The following LRP1 variants were observed in gnomAD, a reference collection of about 807,000 sequenced individuals.
LRP1 encodes the protein prolow-density lipoprotein receptor-related protein 1.
In LRP1, 51 loss-of-function variants were observed where a neutral mutation model predicts 541.5. The ratio of observed to expected loss-of-function variants is 0.09; its 90% confidence interval spans 0.08 to 0.12. LRP1 has a LOEUF of 0.12. LRP1 is among the 10% of genes least tolerant of loss of function. The pLI is 1.00. For synonymous variants in LRP1, 2,219 were observed against 2,470.8 expected (o/e 0.90, Z 3.02); for missense variants, 3,878 against 6,376.2 (o/e 0.61, Z 13.34).
Position 57,179,887 on chromosome 12 carries a change from G to A in LRP1, c.5072G>A (p.Gly1691Asp). The A allele has an allele frequency of 6.2e-7, 1 of 1,614,150 alleles. No individual in the cohort carries two copies. The highest frequency in any genetic ancestry group is 2.2e-5 in the East Asian group (1 of 44,890). Residue 1691 changes from glycine to aspartate, a missense_variant, in exon 30 of 89, where the codon GGC becomes GAC. Coordinates refer to ENST00000243077, the MANE Select transcript of LRP1 (RefSeq NM_002332.3). This position sits in a 1 kb window ranked among gnomAD's most constrained non-coding sequence, Gnocchi z 6.8. ...KKQINVARLD[G>D]SFKNAVVQGL... is the part of the protein sequence containing the mutation. ...CAGATCAATGTGGCCCGGCTGGATGGCTCCTTCAAGAACGCAGTGGTGCAG... is the reference window on the plus strand; with the variant it reads ...CAGATCAATGTGGCCCGGCTGGATGACTCCTTCAAGAACGCAGTGGTGCAG...
Position 57,211,370 on chromosome 12 carries a change from A to G in LRP1, c.13091+20A>G. 1 of 1,612,856 alleles carries G rather than the reference A, an allele frequency of 6.2e-7. No homozygotes were observed. Among genetic ancestry groups the G allele is most frequent in the South Asian group, 1.1e-5 (1 of 91,074 alleles). ...CTGCAAGTGAGTGGGGCCCTCCTCC[A>G]CAGTTCCACCCAGCTGGGCCCCTGC... is the stretch of plus-strand genomic sequence containing the variant. On this transcript the variant is annotated intron_variant, in intron 84 of 88. Transcript: ENST00000243077. The surrounding 1 kb of genome is among the most constrained non-coding windows in gnomAD (Gnocchi z 4.3).
rs1217160545 is a variant in LRP1, at chr12:57,205,363, C to T, written c.11348C>T (p.Thr3783Ile). The T allele has an allele frequency of 7.5e-6, 12 of 1,607,126 alleles. No individual in the cohort carries two copies. The highest frequency in any genetic ancestry group is 1.0e-5 in the Non-Finnish European group (12 of 1,178,290). ...EEDCSIDPKLTSCATNASICG... is the reference protein window; with the variant it reads ...EEDCSIDPKLISCATNASICG... Reference sequence around the variant, plus strand: ...CTGTCCCCCACAGACCCCAAGCTGACCAGCTGCGCCACCAATGCCAGCATC... The same window carrying T: ...CTGTCCCCCACAGACCCCAAGCTGATCAGCTGCGCCACCAATGCCAGCATC... Residue 3783 changes from threonine to isoleucine, a missense_variant, in exon 74 of 89, where the codon ACC becomes ATC. Transcript: ENST00000243077. The surrounding 1 kb of genome is among the most constrained non-coding windows in gnomAD (Gnocchi z 4.6).
Position 57,198,176 on chromosome 12 carries a change from C to T in LRP1, c.9303C>T (p.Leu3101=). ...SNVQVLHRTG[L]SNPDGLAVDW... is the part of the protein sequence containing the mutation. ...TGCAGGTCCTACACCGTACAGGCCT[C>T]AGCAACCCCGATGGGCTGGCTGTGG... is the stretch of plus-strand genomic sequence containing the variant. The change falls in exon 59 of 89, where the codon CTC becomes CTT. Residue 3101 remains leucine, a synonymous_variant. Transcript: ENST00000243077. 6.2e-7 allele frequency: 1 copy of T among 1,612,504 alleles called. No homozygotes were observed. Among genetic ancestry groups the T allele is most frequent in the Non-Finnish European group, 8.5e-7 (1 of 1,179,762 alleles).
intron 1 of LRP1, 119 bp downstream of exon 1, chr12:57,129,150 A>C: frequency 9.2e-7 from 1 of 1,082,886 alleles, no homozygotes; most frequent in Non-Finnish European, 1.4e-6. Flanking sequence ...ATCCCAGTCC[A>C]GCTGACACAG....
intron 20 of LRP1, among the ~76,000 whole-genome samples, chr12:57,172,447 G>A (rs1268720152): frequency 6.6e-6 from 1 of 152,198 alleles, no homozygotes; most frequent in African/African-American, 2.4e-5. Context: ...GGGATTACAG[G>A]CGTGAGCCAC....
chr12:57,209,959 T>C, intron 80 of LRP1, 70 bp from the exon 81 acceptor site: 1 of 1,586,672 alleles, frequency 6.3e-7, no homozygotes, highest in Non-Finnish European at 8.6e-7. Flanking sequence ...GGAGAGGGGG[T>C]CACCCTGGGC....
rs775896476 is a variant in LRP1 at position 57,202,569 on chromosome 12, C to G, written c.10711+32C>G. ...CCCCACCCACCCAGCCCCGCATGAG[C>G]CCCTCCCAGGCCTGGCCCTTGTCTC... On this transcript the variant is annotated intron_variant, in intron 68 of 88. Coordinates refer to ENST00000243077, the MANE Select transcript of LRP1 (RefSeq NM_002332.3). The G allele has an allele frequency of 3.8e-5, 54 of 1,430,080 alleles. No individual in the cohort carries two copies. The South Asian group carries it at 6.7e-4, about 18-fold the overall frequency. The allele number at this position is 1,430,080 out of a possible 1,614,324, so 88.6% of individuals were successfully genotyped here. A position where few individuals can be genotyped will look rare whatever the true frequency, so the allele number is the denominator to read the frequency against.
Position 57,180,113 on chromosome 12 carries a change from G to A in LRP1, c.5208G>A (p.Leu1736=). 1 of 1,613,884 alleles carries A rather than the reference G, an allele frequency of 6.2e-7. No individual in the cohort carries two copies. Among genetic ancestry groups the A allele is most frequent in the Non-Finnish European group, 8.5e-7 (1 of 1,180,028 alleles). The part of the protein sequence containing the change: ...MANMDGSNRT[L]LFSGQKGPVG... The stretch of plus-strand genomic sequence containing the variant: ...ACATGGATGGCAGCAATCGCACCCT[G>A]CTCTTCAGTGGCCAGAAGGGCCCCG... Residue 1736 remains leucine, a synonymous_variant, in exon 31 of 89, where the codon CTG becomes CTA. Transcript: ENST00000243077.
Position 57,177,308 on chromosome 12 carries a change from C to G in LRP1, c.4196+63C>G, listed in dbSNP as rs2036066294. On this transcript the variant is annotated intron_variant, in intron 25 of 88. Transcript: ENST00000243077. This position sits in a 1 kb window ranked among gnomAD's most constrained non-coding sequence, Gnocchi z 6.8. ...CCCCCTGAAGTCCCATTCAGCCTGG[C>G]CAGGGACACCTTACTCCTCAGTGCC... 6.3e-7 allele frequency: 1 copy of G among 1,586,536 alleles called. No individual in the cohort carries two copies. Among genetic ancestry groups the G allele is most frequent in the Admixed American group, 1.7e-5 (1 of 59,512 alleles).
At chr12:57,153,772 T>C (rs1392285997) in intron 6 of LRP1, among the ~76,000 whole-genome samples, 2 of 152,232 alleles carry the variant, frequency 1.3e-5, no homozygotes, top group Admixed American at 6.5e-5. Flanking sequence ...TTATGCCATA[T>C]GTCCAGCTTC....
intron 34 of LRP1, among the ~76,000 whole-genome samples, chr12:57,181,984 A>G (rs1190186983): frequency 1.3e-5 from 2 of 152,218 alleles, no homozygotes. Flanking sequence ...TGAGTTGAAC[A>G]AAGTTTAAAA....
chr12:57,164,888 A>G (rs944432626), intron 15 of LRP1: 4 of 152,288 alleles, frequency 2.6e-5, no homozygotes, highest in African/African-American at 9.7e-5. Flanking sequence ...AGGTAATGGG[A>G]GGATCATCCA....
chr12:57,204,268 A>C lies in LRP1; in HGVS notation c.10952-142A>C. 3.9e-6 allele frequency: 4 copies of C among 1,014,562 alleles called. No homozygotes were observed. The highest frequency in any genetic ancestry group is 5.5e-6 in the Non-Finnish European group (4 of 726,622). 62.8% of individuals were successfully genotyped at this position (1,014,562 alleles called of 1,614,324 possible). The stretch of plus-strand genomic sequence containing the variant: ...AGGGGGCAGTTTGGCCCCACCAAGT[A>C]GAAATTTAAGAGACCTGGTTCCAAT... On this transcript the variant is annotated intron_variant, in intron 70 of 88. Coordinates refer to ENST00000243077, the MANE Select transcript of LRP1 (RefSeq NM_002332.3). This position sits in a 1 kb window ranked among gnomAD's most constrained non-coding sequence, Gnocchi z 5.3.
rs2035814853 is a variant in LRP1, at chr12:57,165,207, C to A, written c.2531-598C>A. 6.6e-6 allele frequency: 1 copy of A among 152,490 alleles called. No individual in the cohort carries two copies. The highest frequency in any genetic ancestry group is 1.5e-5 in the Non-Finnish European group (1 of 68,290). The allele number at this position is 152,490 out of a possible 1,614,324, so 9.4% of individuals were successfully genotyped here. On this transcript the variant is annotated intron_variant, in intron 15 of 88. Transcript: ENST00000243077. The surrounding 1 kb of genome is among the most constrained non-coding windows in gnomAD (Gnocchi z 4.5). Reference sequence around the variant, plus strand: ...GGAGATGAGTCAGACCAGGCAAGCGCCCAGCTGTGAGGTCTGGAGACCGGG... The same window carrying A: ...GGAGATGAGTCAGACCAGGCAAGCGACCAGCTGTGAGGTCTGGAGACCGGG...
chr12:57,175,472 T>C lies in LRP1; in HGVS notation c.3560T>C (p.Leu1187Pro), dbSNP rs1378097352. Residue 1187 changes from leucine to proline, a missense_variant, in exon 23 of 89, where the codon CTG becomes CCG. Physicochemically the swap from Leu to Pro is moderately conservative, Grantham distance 98. Around this residue, in one of 13 missense-constraint regions of LRP1, gnomAD observed 320 missense variants for 547.9 expected, o/e 0.58. Coordinates refer to ENST00000243077, the MANE Select transcript of LRP1 (RefSeq NM_002332.3). Reference protein sequence around the residue: ...DEGELCDQCSLNNGGCSHNCS... With the variant: ...DEGELCDQCSPNNGGCSHNCS... ...GCCCCTCCCCTAGACCAGTGCTCTC[T>C]GAATAACGGTGGCTGCAGCCACAAC... The C allele has an allele frequency of 6.2e-7, 1 of 1,613,340 alleles. No individual in the cohort carries two copies. Among genetic ancestry groups the C allele is most frequent in the African/African-American group, 1.3e-5 (1 of 74,932 alleles).
chr12:57,171,530 C>T (rs944990356), intron 20 of LRP1, among the ~76,000 whole-genome samples: 2 of 152,156 alleles, frequency 1.3e-5, no homozygotes, highest in African/African-American at 4.8e-5. Context: ...CAGATGATGA[C>T]AGCAGGTGTA....
chr12:57,143,892 G>C, intron 4 of LRP1, 94 bp downstream of exon 4: 1 of 1,440,120 alleles, frequency 6.9e-7, no homozygotes, highest in Non-Finnish European at 9.3e-7. Flanking sequence ...GGCCTGGCTG[G>C]AATAAGAAAC....
At position 57,204,708 on chromosome 12, in the gene LRP1, G is replaced by A. The variant is rs1459828711; in HGVS notation, c.11153G>A (p.Gly3718Asp). ...VCLWIGRQCDGTDNCGDGTDE... is the reference protein window; with the variant it reads ...VCLWIGRQCDDTDNCGDGTDE... ...CTGTGGATCGGGCGCCAATGCGATGGCACGGACAACTGTGGGGATGGGACT... is the reference window on the plus strand; with the variant it reads ...CTGTGGATCGGGCGCCAATGCGATGACACGGACAACTGTGGGGATGGGACT... Residue 3718 changes from glycine (G) to aspartate (D), a missense_variant, in exon 72 of 89, where the codon GGC becomes GAC. Transcript: ENST00000243077. The surrounding 1 kb of genome is among the most constrained non-coding windows in gnomAD (Gnocchi z 5.3). 6.2e-7 allele frequency: 1 copy of A among 1,613,976 alleles called. No homozygotes were observed. Among genetic ancestry groups the A allele is most frequent in the Non-Finnish European group, 8.5e-7 (1 of 1,180,034 alleles).
chr12:57,202,543 T>TTGC lies in LRP1; in HGVS notation c.10711+6_10711+7insTGC. ...CTCCGATGAAGAGAGCTGCAGTACG[T>TTGC]CCCCACCCACCCAGCCCCGCATGAG... is the stretch of plus-strand genomic sequence containing the variant. On this transcript the variant is annotated splice_region_variant and intron_variant, in intron 68 of 88. Transcript: ENST00000243077. 6.6e-7 allele frequency: 1 copy of TTGC among 1,523,612 alleles called. No individual in the cohort carries two copies. The highest frequency in any genetic ancestry group is 8.9e-7 in the Non-Finnish European group (1 of 1,124,796). The allele number at this position is 1,523,612 out of a possible 1,614,324, so 94.4% of individuals were successfully genotyped here. A position where few individuals can be genotyped will look rare whatever the true frequency, so the allele number is the denominator to read the frequency against.
Sources: allele counts gnomAD v4.1 joint callset (sites outside exome capture counted in the v4.1 genomes callset), GRCh38; gene constraint gnomAD v4.1.1; regional missense constraint gnomAD v4.1.1; non-coding constraint Gnocchi (gnomAD v3.1); transcripts MANE v1.5; gene names NCBI Gene and HGNC (gene_info 2026-07-23, HGNC 2026-07-21).